FREM1: variants seen among roughly 807,000 people sequenced by gnomAD.
FREM1 encodes the protein FRAS1 related extracellular matrix 1.
A neutral mutation model predicts 210.1 loss-of-function variants in FREM1; 220 were observed. The observed-to-expected ratio is 1.05, with a 90% CI of 0.94 to 1.17. FREM1 has a LOEUF of 1.17. Ranked by LOEUF, FREM1 falls within the 50% of genes most tolerant of loss-of-function variation. The probability of loss-of-function intolerance (pLI) is 0.00; values close to 1 mark genes in which losing one functional copy is unlikely to be tolerated. For synonymous variants in FREM1, 1,189 were observed against 980.2 expected, an observed-to-expected ratio of 1.21 and a Z score of -3.98; for missense variants, 3,454 against 2,675.5, an observed-to-expected ratio of 1.29 and a Z score of -6.42.
chr9:14,860,874 C>CAT, intron 3 of FREM1, among the ~76,000 whole-genome samples: 1 of 49,024 alleles, frequency 2.0e-5, no homozygotes, highest in Non-Finnish European at 3.6e-5. Flanking sequence ...CATATATATA[C>CAT]GTATATATAC....
intron 10 of FREM1, among the ~76,000 whole-genome samples, chr9:14,827,355 T>C (rs1305872600): frequency 6.6e-6 from 1 of 152,240 alleles, no homozygotes; most frequent in Non-Finnish European, 1.5e-5. Flanking sequence ...AAATGGTGCC[T>C]GTGTTCTAAC....
chr9:14,861,076 T>TAC (rs1554708251), intron 3 of FREM1, among the ~76,000 whole-genome samples: 8 of 71,344 alleles, frequency 1.1e-4, no homozygotes, highest in Non-Finnish European at 1.6e-4. Flanking sequence ...TATACATATA[T>TAC]ACATATATAC....
At chr9:14,874,144 G>C (rs1564141488) in intron 1 of FREM1, among the ~76,000 whole-genome samples, 1 of 152,166 alleles carries the variant, frequency 6.6e-6, no homozygotes, top group Non-Finnish European at 1.5e-5. Flanking sequence ...TGTATATTCT[G>C]TTGATTTGGG....
At chr9:14,779,509 A>C in intron 24 of FREM1, 1 of 985,200 alleles carries the variant, frequency 1.0e-6, no homozygotes, top group Non-Finnish European at 1.2e-6. Context: ...TGAATATCTA[A>C]TTCTGACTTT....
In FREM1 at chr9:14,841,516, T is replaced by A; in HGVS notation, c.1812A>T (p.Glu604Asp). Residue 604 changes from glutamate (E) to aspartate (D), a missense_variant, in exon 10 of 37, where the codon GAA becomes GAT. Transcript: ENST00000380880. ...GIIYYRHFGG[E>D]IFEDSFQFVL... ...CAAATTGAAAAGAATCTTCAAAGAT[T>A]TCTCCACCAAAATGACGATAATAAA... is the stretch of plus-strand genomic sequence containing the variant. 1 of 1,612,568 alleles carries A rather than the reference T, an allele frequency of 6.2e-7. No individual in the cohort carries two copies. Among genetic ancestry groups the A allele is most frequent in the Non-Finnish European group, 8.5e-7 (1 of 1,178,870 alleles).
chr9:14,749,978 T>A, intron 30 of FREM1, 149 bp downstream of exon 30: 1 of 762,716 alleles, frequency 1.3e-6, no homozygotes, highest in Non-Finnish European at 2.2e-6. Flanking sequence ...GAAACCAGAA[T>A]AAAGGGCCTA....
At chr9:14,901,344 CTGTGTTCCTAA>C (rs1838747637) in intron 1 of FREM1, among the ~76,000 whole-genome samples, 1 of 152,172 alleles carries the variant, frequency 6.6e-6, no homozygotes, top group Admixed American at 6.5e-5. Flanking sequence ...TAATTCCCCT[CTGTGTTCCTAA>C]TGTGTCAATT....
intron 23 of FREM1, 35 bp downstream of exon 23, chr9:14,788,884 T>G: frequency 6.4e-7 from 1 of 1,557,320 alleles, no homozygotes; most frequent in East Asian, 2.3e-5. Flanking sequence ...GTTAGCAAAG[T>G]TGATCCCAGT....
Position 14,819,454 on chromosome 9 carries a change from AAAGG to A in FREM1, c.2338-16_2338-13del. On this transcript the variant is annotated splice_polypyrimidine_tract_variant and intron_variant, in intron 13 of 36. Transcript: ENST00000380880. Reference sequence around the variant, plus strand: ...GGGTTGGTGAACGCCTAGAAAGAAGAAAGGAAGGAAACATTCAAAGCCTTTTTCC... The same window carrying A: ...GGGTTGGTGAACGCCTAGAAAGAAGAAAGGAAACATTCAAAGCCTTTTTCC... 3 of 1,572,758 alleles carry A rather than the reference AAAGG, an allele frequency of 1.9e-6. No individual in the cohort carries two copies. The highest frequency in any genetic ancestry group is 2.6e-6 in the Non-Finnish European group (3 of 1,145,258).
chr9:14,794,997 C>CAA (rs36009556), intron 21 of FREM1, among the ~76,000 whole-genome samples: 4 of 120,728 alleles, frequency 3.3e-5, no homozygotes, highest in South Asian at 2.7e-4. Flanking sequence ...GACTTTCTCT[C>CAA]AAAAAAAAAA....
At position 14,775,094 on chromosome 9, in the gene FREM1, C is replaced by T. The variant is rs1848320278; in HGVS notation, c.4857+695G>A. Among the ~76,000 whole-genome samples the T allele has an allele frequency of 2.0e-5, 3 of 152,306 alleles. No homozygotes were observed. In the South Asian group the frequency reaches 6.2e-4, roughly 32 times the overall value. ...CATCAAATATGTTTCAGGCCATATA[C>T]TACTGCTTTGGATACCTAATCCTAC... On this transcript the variant is annotated intron_variant, in intron 25 of 36. Coordinates refer to ENST00000380880, the MANE Select transcript of FREM1 (RefSeq NM_001379081.2).
At position 14,816,959 on chromosome 9, in the gene FREM1, G is replaced by C. The variant is rs1275525493; in HGVS notation, c.2547-88C>G. On this transcript the variant is annotated intron_variant, in intron 14 of 36. Coordinates refer to ENST00000380880, the MANE Select transcript of FREM1 (RefSeq NM_001379081.2). ...GATACATGAGCTCTTCCAAGGCTTTGGCCATGTGTTCACTAAATAAATAAA... is the reference window on the plus strand; with the variant it reads ...GATACATGAGCTCTTCCAAGGCTTTCGCCATGTGTTCACTAAATAAATAAA... 4 of 429,614 alleles carry C rather than the reference G, an allele frequency of 9.3e-6. No individual in the cohort carries two copies. The East Asian group carries it at 1.4e-4, about 15-fold the overall frequency. 26.6% of individuals were successfully genotyped at this position (429,614 alleles called of 1,614,324 possible). A position where few individuals can be genotyped will look rare whatever the true frequency, so the allele number is the denominator to read the frequency against.
In FREM1 at chr9:14,784,464, C is replaced by T; in HGVS notation, c.4348G>A (p.Val1450Ile). 1 of 1,613,884 alleles carries T rather than the reference C, an allele frequency of 6.2e-7. No homozygotes were observed. Among genetic ancestry groups the T allele is most frequent in the Non-Finnish European group, 8.5e-7 (1 of 1,179,832 alleles). ...GQIEYVHYPG[V>I]PITNFSQMDV... ...ATTTGGCTGAAGTTTGTAATGGGAA[C>T]TCCAGGATAGTGAACATATTCGATC... Residue 1450 changes from valine to isoleucine, a missense_variant, in exon 24 of 37, where the codon GTT (valine) becomes ATT (isoleucine). Val to Ile is a conservative substitution (Grantham distance 29). Transcript: ENST00000380880.
At chr9:14,842,198 T>G in intron 9 of FREM1, 118 bp downstream of exon 9, 1 of 656,576 alleles carries the variant, frequency 1.5e-6, no homozygotes. Context: ...CTTCAGAAAC[T>G]TGATGTTCAC....
chr9:14,860,762 CACATATATACACATATAT>C (rs1829860936), intron 3 of FREM1, among the ~76,000 whole-genome samples: 2 of 83,086 alleles, frequency 2.4e-5, no homozygotes, highest in African/African-American at 6.2e-5. Context: ...CATATATATG[CACATATATACACATATAT>C]ACATATATAC....
intron 1 of FREM1, among the ~76,000 whole-genome samples, chr9:14,874,689 T>C (rs1326427458): frequency 1.3e-5 from 2 of 152,200 alleles, no homozygotes; most frequent in Non-Finnish European, 2.9e-5. Flanking sequence ...TATTGTTATA[T>C]GTGAATTTGA....
intron 2 of FREM1, among the ~76,000 whole-genome samples, chr9:14,865,296 G>A (rs916050957): frequency 6.6e-5 from 10 of 152,168 alleles, no homozygotes; most frequent in Non-Finnish European, 1.2e-4. Context: ...TTTGGGCTAG[G>A]TGTGAGAAGT....
At chr9:14,787,582 G>A (rs538262013) in intron 23 of FREM1, among the ~76,000 whole-genome samples, 1 of 152,158 alleles carries the variant, frequency 6.6e-6, no homozygotes, top group South Asian at 2.1e-4. Flanking sequence ...TTCACACCTA[G>A]TGCATGACAT....
chr9:14,775,374 C>T (rs181700183), intron 25 of FREM1, among the ~76,000 whole-genome samples: 5 of 152,164 alleles, frequency 3.3e-5, no homozygotes, highest in Admixed American at 2.0e-4. Flanking sequence ...GCTGTAGATG[C>T]ATAATCTGTA....
Sources: gnomAD v4.1 joint callset for allele counts (sites outside exome capture counted in the v4.1 genomes callset) on GRCh38, gnomAD v4.1.1 for gene constraint, MANE v1.5 for transcripts, NCBI Gene and HGNC (gene_info 2026-07-23, HGNC 2026-07-21) for gene names.